The following HOOK3 variants were observed in gnomAD, a reference collection of about 807,000 sequenced individuals.
HOOK3 encodes protein Hook homolog 3.
Under a neutral mutation model 116.3 loss-of-function variants are expected in HOOK3, and 24 were observed. The ratio of observed to expected loss-of-function variants is 0.21; its 90% confidence interval spans 0.15 to 0.29. HOOK3 has a LOEUF of 0.29. HOOK3 is among the 10% of genes least tolerant of loss of function. The pLI is 1.00. For synonymous variants in HOOK3, 275 were observed against 283.0 expected (o/e 0.97, Z 0.28); for missense variants, 632 against 830.2 (o/e 0.76, Z 2.93).
chr8:43,012,743 G>A (rs1809636778), intron 19 of HOOK3, among the ~76,000 whole-genome samples: 1 of 151,860 alleles, frequency 6.6e-6, no homozygotes, highest in African/African-American at 2.4e-5. Context: ...GGGACTATAG[G>A]GGTGCACCAC....
chr8:42,962,028 C>G (rs995758316), intron 8 of HOOK3, among the ~76,000 whole-genome samples: 1 of 152,054 alleles, frequency 6.6e-6, no homozygotes, highest in Non-Finnish European at 1.5e-5. Flanking sequence ...CTCCGGTGAT[C>G]TGCCCACCTC....
intron 10 of HOOK3, among the ~76,000 whole-genome samples, chr8:42,967,677 C>A (rs898246095): frequency 1.3e-5 from 2 of 151,988 alleles, no homozygotes; most frequent in African/African-American, 4.8e-5. Context: ...TCTCCTCAAC[C>A]CCACTATCTG....
chr8:42,928,421 A>C (rs1207220319), intron 3 of HOOK3, among the ~76,000 whole-genome samples: 1 of 152,064 alleles, frequency 6.6e-6, no homozygotes, highest in African/African-American at 2.4e-5. Flanking sequence ...ACTGTACTCC[A>C]GCCTGGGCGA....
chr8:43,010,280 A>G (rs781207012), intron 18 of HOOK3, 25 bp from the exon 19 acceptor site: 15 of 608,158 alleles, frequency 2.5e-5, no homozygotes, highest in Middle Eastern at 1.1e-3. Context: ...CTAAATATAT[A>G]TATTTTACTG....
chr8:42,986,603 A>G, intron 14 of HOOK3, 52 bp from the exon 15 acceptor site: 1 of 1,425,978 alleles, frequency 7.0e-7, no homozygotes, highest in Non-Finnish European at 9.6e-7. Flanking sequence ...TTGTATATTA[A>G]TGCACCAAAT....
chr8:42,940,540 C>T (rs761100803), intron 4 of HOOK3, among the ~76,000 whole-genome samples: 14 of 151,918 alleles, frequency 9.2e-5, no homozygotes, highest in African/African-American at 3.1e-4. Context: ...AGAGGGAGAG[C>T]GAAAATGCTT....
intron 6 of HOOK3, among the ~76,000 whole-genome samples, chr8:42,956,304 ATGT>A (rs1268897537): frequency 1.3e-5 from 2 of 149,446 alleles, no homozygotes; most frequent in Non-Finnish European, 3.0e-5. Context: ...GCTAATACTG[ATGT>A]TGTCCACATT....
chr8:42,958,999 T>A (rs1207092167), intron 7 of HOOK3, among the ~76,000 whole-genome samples: 1 of 151,406 alleles, frequency 6.6e-6, no homozygotes, highest in African/African-American at 2.4e-5. Context: ...AAACTTGATA[T>A]GGGGAATGAG....
intron 15 of HOOK3, among the ~76,000 whole-genome samples, chr8:42,994,862 TATG>T (rs1268925798): frequency 1.3e-5 from 2 of 152,252 alleles, no homozygotes; most frequent in Non-Finnish European, 2.9e-5. Flanking sequence ...GATTGTGTTT[TATG>T]ATGTTTACAA....
chr8:42,923,390 A>G (rs1157248557), intron 2 of HOOK3, among the ~76,000 whole-genome samples: 1 of 152,226 alleles, frequency 6.6e-6, no homozygotes, highest in Non-Finnish European at 1.5e-5. Flanking sequence ...CATTATTCAT[A>G]ATGGCCCCAA....
At position 42,973,350 on chromosome 8, in the gene HOOK3, A is replaced by C; in HGVS notation, c.1184A>C (p.Glu395Ala). 6.2e-7 allele frequency: 1 copy of C among 1,613,372 alleles called. No individual in the cohort carries two copies. The highest frequency in any genetic ancestry group is 8.5e-7 in the Non-Finnish European group (1 of 1,179,692). The part of the protein sequence containing the change: ...ESKKADKLDF[E>A]YKRLKEKVDS... ...AAGAAAGCAGATAAACTAGATTTTG[A>C]ATATAAGCGGCTAAAAGAAAAAGTT... The change falls in exon 12 of 22, where the codon GAA becomes GCA. Residue 395 changes from glutamate (E) to alanine (A), a missense_variant. Coordinates refer to ENST00000307602, the MANE Select transcript of HOOK3 (RefSeq NM_032410.4).
intron 2 of HOOK3, among the ~76,000 whole-genome samples, chr8:42,924,793 T>G (rs1807730454): frequency 6.6e-6 from 1 of 152,006 alleles, no homozygotes; most frequent in African/African-American, 2.4e-5. Context: ...GCCAACATGG[T>G]GAAACCACGT....
chr8:42,914,810 T>A (rs1033610530), intron 2 of HOOK3, among the ~76,000 whole-genome samples: 2 of 152,206 alleles, frequency 1.3e-5, no homozygotes, highest in African/African-American at 4.8e-5. Flanking sequence ...AACTGTTACT[T>A]CTTTTATCTT....
chr8:43,004,259 C>A (rs1809430711), intron 17 of HOOK3, among the ~76,000 whole-genome samples: 1 of 149,588 alleles, frequency 6.7e-6, no homozygotes, highest in South Asian at 2.1e-4. Context: ...CCTAGCTACT[C>A]AGGAGGCTGA....
chr8:42,993,488 T>C (rs60782941), intron 15 of HOOK3, among the ~76,000 whole-genome samples: 6,736 of 152,230 alleles, frequency 0.044, 328 homozygotes, highest in African/African-American at 0.12. Context: ...GTGTCTTTGT[T>C]TCGTTTTGGT....
chr8:42,906,597 T>C (rs1402456115), intron 2 of HOOK3, among the ~76,000 whole-genome samples: 1 of 152,210 alleles, frequency 6.6e-6, no homozygotes, highest in Non-Finnish European at 1.5e-5. Flanking sequence ...TGCTGAAATA[T>C]CATCTCATCA....
rs1186311096 is a variant in HOOK3 at position 42,993,472 on chromosome 8, T to G, written c.1533-4078T>G. Among the ~76,000 whole-genome samples the G allele has an allele frequency of 2.0e-5, 3 of 152,188 alleles. No homozygotes were observed. The East Asian group carries it at 5.8e-4, about 29-fold the overall frequency. On this transcript the variant is annotated intron_variant, in intron 15 of 21. Transcript: ENST00000307602. ...TATAGTTTTGTTTTGTTTTTTTTCT[T>G]TTGATGTGTCTTTGTTTCGTTTTGG... is the stretch of plus-strand genomic sequence containing the variant.
At chr8:42,917,255 A>AGAT (rs2130342842) in intron 2 of HOOK3, among the ~76,000 whole-genome samples, 1 of 152,324 alleles carries the variant, frequency 6.6e-6, no homozygotes, top group African/African-American at 2.4e-5. Context: ...CATCTCACTG[A>AGAT]GCGCGTTGAG....
At position 43,019,839 on chromosome 8, in the gene HOOK3, C is replaced by T. The variant is rs752255574; in HGVS notation, c.*1341C>T. The T allele has an allele frequency of 9.3e-5, 19 of 204,200 alleles. No homozygotes were observed. Among genetic ancestry groups the T allele is most frequent in the Admixed American group, 3.6e-4 (6 of 16,762 alleles). The allele number at this position is 204,200 out of a possible 1,614,324, so 12.6% of individuals were successfully genotyped here. ...AAGTCTTTTTTCTTGCAACGTAGCC[C>T]ATTTTTTGAAAGCAAAACATTTCTG... On this transcript the variant is annotated 3_prime_UTR_variant, in exon 22 of 22. Coordinates refer to ENST00000307602, the MANE Select transcript of HOOK3 (RefSeq NM_032410.4).
Sources: gnomAD v4.1 joint callset for allele counts (sites outside exome capture counted in the v4.1 genomes callset) on GRCh38, gnomAD v4.1.1 for gene constraint, MANE v1.5 for transcripts, NCBI Gene and HGNC (gene_info 2026-07-23, HGNC 2026-07-21) for gene names.